DNA2: variants seen among roughly 807,000 people sequenced by gnomAD.
DNA2 encodes DNA replication helicase/nuclease 2, also known as DNA replication ATP-dependent helicase/nuclease DNA2.
Under a neutral mutation model 119.1 loss-of-function variants are expected in DNA2, and 101 were observed. The observed-to-expected ratio is 0.85, with a 90% CI of 0.72 to 1.00. The LOEUF (loss-of-function observed/expected upper bound fraction) is 1.00. DNA2 is among the 50% of genes least tolerant of loss of function. The probability of loss-of-function intolerance (pLI) is 0.00; values close to 1 mark genes in which losing one functional copy is unlikely to be tolerated. For missense variants in DNA2, 1,121 were observed against 1,255.5 expected, an observed-to-expected ratio of 0.89 and a Z score of 1.62; for synonymous variants, 366 against 424.4, an observed-to-expected ratio of 0.86 and a Z score of 1.69.
At chr10:68,429,761 A>G (rs1221906855) in intron 14 of DNA2, among the ~76,000 whole-genome samples, 2 of 149,944 alleles carry the variant, frequency 1.3e-5, no homozygotes, top group Non-Finnish European at 3.0e-5. Flanking sequence ...AACTCCCAGT[A>G]TAAATAAACA....
At chr10:68,434,190 G>A (rs1273659045) in intron 10 of DNA2, among the ~76,000 whole-genome samples, 1 of 151,950 alleles carries the variant, frequency 6.6e-6, no homozygotes, top group Non-Finnish European at 1.5e-5. Flanking sequence ...CAGGAGAATC[G>A]CTTGAGCCTG....
intron 2 of DNA2, among the ~76,000 whole-genome samples, chr10:68,469,354 G>A (rs2052360567): frequency 6.8e-6 from 1 of 147,702 alleles, no homozygotes; most frequent in South Asian, 2.1e-4. Context: ...AGACCATCCT[G>A]GCTAACATGG....
At position 68,431,842 on chromosome 10, in the gene DNA2, CAGA is replaced by C. The variant is rs1235404265; in HGVS notation, c.1983+17_1983+19del. The C allele has an allele frequency of 2.6e-6, 4 of 1,524,952 alleles. No individual in the cohort carries two copies. Among genetic ancestry groups the C allele is most frequent in the Non-Finnish European group, 3.6e-6 (4 of 1,106,844 alleles). 94.5% of individuals were successfully genotyped at this position (1,524,952 alleles called of 1,614,324 possible). On this transcript the variant is annotated intron_variant, in intron 13 of 20. Coordinates refer to ENST00000358410, the MANE Select transcript of DNA2 (RefSeq NM_001080449.3). ...CTGATACAAATATTTTGTCTCTAAG[CAGA>C]AGAATAATAACCTTACGAGAGTACA...
intron 10 of DNA2, among the ~76,000 whole-genome samples, chr10:68,434,912 T>C (rs16925383): frequency 0.057 from 8,723 of 152,260 alleles, 396 homozygotes; most frequent in East Asian, 0.25. Context: ...TGAGTCCCAA[T>C]TGCTGACCTC....
chr10:68,426,752 T>A (rs562574109), intron 14 of DNA2, among the ~76,000 whole-genome samples: 1 of 151,660 alleles, frequency 6.6e-6, no homozygotes, highest in African/African-American at 2.4e-5. Flanking sequence ...GGCAGGAGAA[T>A]GGCGTGAACC....
intron 6 of DNA2, among the ~76,000 whole-genome samples, chr10:68,449,587 G>A (rs547227992): frequency 5.6e-4 from 85 of 152,106 alleles, no homozygotes; most frequent in Non-Finnish European, 9.3e-4. Flanking sequence ...GACCAGGCTG[G>A]GCAACATGGC....
At position 68,431,927 on chromosome 10, in the gene DNA2, AAAG is replaced by A. The variant is rs1421739616; in HGVS notation, c.1915_1917del (p.Leu639del). 2 of 1,613,810 alleles carry A rather than the reference AAAG, an allele frequency of 1.2e-6. No homozygotes were observed. Among genetic ancestry groups the A allele is most frequent in the East Asian group, 2.2e-5 (1 of 44,848 alleles). The stretch of plus-strand genomic sequence containing the variant: ...CCCACGATGAGTGTGTAGTCTTTTG[AAAG>A]AAGTACCTTTTTCATCGCTTGCCTC... On this transcript the variant is annotated inframe_deletion, in exon 13 of 21. Coordinates refer to ENST00000358410, the MANE Select transcript of DNA2 (RefSeq NM_001080449.3).
At chr10:68,445,175 C>T (rs2052022054) in intron 7 of DNA2, 92 bp from the exon 8 acceptor site, 7 of 1,198,328 alleles carry the variant, frequency 5.8e-6, no homozygotes, top group Admixed American at 5.0e-5. Flanking sequence ...GATTTAAAAA[C>T]ATTTTAGGGC....
intron 9 of DNA2, among the ~76,000 whole-genome samples, chr10:68,440,442 C>G (rs1217902198): frequency 6.6e-6 from 1 of 151,928 alleles, no homozygotes; most frequent in Non-Finnish European, 1.5e-5. Flanking sequence ...GGACTACAGG[C>G]ACCTGCCACC....
chr10:68,472,251 T>A, upstream of DNA2: 3 of 1,138,902 alleles, frequency 2.6e-6, no homozygotes, highest in Non-Finnish European at 2.2e-6. Context: ...CCCAGCTTAG[T>A]TTGAACACAA....
At chr10:68,472,107 T>A (rs772474096), upstream of DNA2, 1 of 1,512,482 alleles carries the variant, frequency 6.6e-7, no homozygotes, top group East Asian at 2.6e-5. Context: ...GGACTGGGAA[T>A]ACAGGGAGTC....
intron 17 of DNA2, among the ~76,000 whole-genome samples, chr10:68,420,571 T>C (rs1458866553): frequency 1.3e-5 from 2 of 151,828 alleles, no homozygotes. Context: ...CTGGGTCGTA[T>C]ATCTGTGCTC....
At chr10:68,416,979 C>T in intron 19 of DNA2, 124 bp from the exon 20 acceptor site, 1 of 802,090 alleles carries the variant, frequency 1.2e-6, no homozygotes, top group Non-Finnish European at 1.9e-6. Flanking sequence ...TGTAGTGGCT[C>T]ATGCCTGTAA....
At chr10:68,454,774 C>G (rs1189426437) in intron 5 of DNA2, among the ~76,000 whole-genome samples, 2 of 151,410 alleles carry the variant, frequency 1.3e-5, no homozygotes, top group South Asian at 2.1e-4. Flanking sequence ...CCACTGCACT[C>G]CAGACTAGGT....
At chr10:68,430,763 G>A in intron 13 of DNA2, 103 bp from the exon 14 acceptor site, 1 of 915,160 alleles carries the variant, frequency 1.1e-6, no homozygotes, top group Non-Finnish European at 1.6e-6. Flanking sequence ...TAAGAGCTGA[G>A]CCAAGTAAAA....
At chr10:68,454,522 G>C (rs1402867683) in intron 5 of DNA2, among the ~76,000 whole-genome samples, 1 of 152,038 alleles carries the variant, frequency 6.6e-6, no homozygotes, top group Non-Finnish European at 1.5e-5. Flanking sequence ...AAAATGTCAA[G>C]CAGCTGGGCG....
chr10:68,451,735 C>CT (rs1564891724), intron 5 of DNA2, among the ~76,000 whole-genome samples: 1 of 150,342 alleles, frequency 6.7e-6, no homozygotes. Flanking sequence ...ACCCCTATTT[C>CT]TTTTTTTGGA....
intron 14 of DNA2, among the ~76,000 whole-genome samples, chr10:68,429,573 G>A (rs1337932653): frequency 5.4e-5 from 8 of 146,806 alleles, no homozygotes; most frequent in Non-Finnish European, 9.0e-5. Flanking sequence ...TTAGTCAGGC[G>A]TGGTGGCGGG....
chr10:68,429,213 C>A (rs904322245), intron 14 of DNA2, among the ~76,000 whole-genome samples: 7 of 150,356 alleles, frequency 4.7e-5, no homozygotes, highest in African/African-American at 1.7e-4. Flanking sequence ...ATAGCCGCGC[C>A]CATAATCCCA....
Sources: allele counts gnomAD v4.1 joint callset (sites outside exome capture counted in the v4.1 genomes callset), GRCh38; gene constraint gnomAD v4.1.1; transcripts MANE v1.5; gene names NCBI Gene and HGNC (gene_info 2026-07-23, HGNC 2026-07-21).